MCMBP: variants seen among roughly 807,000 people sequenced by gnomAD.
MCMBP encodes the protein mini-chromosome maintenance complex-binding protein.
In MCMBP, 31 loss-of-function variants were observed where a neutral mutation model predicts 81.3. The ratio of observed to expected loss-of-function variants is 0.38; its 90% CI spans 0.29 to 0.51. The LOEUF (loss-of-function observed/expected upper bound fraction) is 0.51, where lower values mean the gene tolerates loss of function less well. Among genes scored for constraint, MCMBP ranks in the 20% least tolerant of loss-of-function variants. MCMBP has a pLI of 0.87. For synonymous variants in MCMBP, 267 were observed against 275.9 expected (o/e 0.97, Z 0.32); for missense variants, 645 against 772.1 (o/e 0.84, Z 1.95).
chr10:119,853,112 T>C lies in MCMBP; in HGVS notation c.512A>G (p.Asp171Gly). The C allele has an allele frequency of 1.2e-6, 2 of 1,614,220 alleles. No homozygotes were observed. Among genetic ancestry groups the C allele is most frequent in the Non-Finnish European group, 1.7e-6 (2 of 1,180,040 alleles). Reference protein sequence around the residue: ...PSRHKRSYEDDDDMDLQPNKQ... With the variant: ...PSRHKRSYEDGDDMDLQPNKQ... ...ATTGGGCTGTAGGTCCATATCGTCA[T>C]CATCTTCATAACTCCTCTTGTGGCG... Residue 171 changes from aspartate to glycine, a missense_variant, in exon 6 of 16, where the codon GAT becomes GGT. By Grantham distance (94) the Asp-to-Gly change is moderately conservative. Coordinates refer to ENST00000369077, the MANE Select transcript of MCMBP (RefSeq NM_001256378.2).
At position 119,831,492 on chromosome 10, in the gene MCMBP, C is replaced by G. The variant is rs1448990886; in HGVS notation, c.1905G>C (p.Val635=). The change falls in exon 16 of 16, where the codon GTG becomes GTC. Residue 635 remains valine (V), a synonymous_variant. Coordinates refer to ENST00000369077, the MANE Select transcript of MCMBP (RefSeq NM_001256378.2). ...RRTRLQQQKC[V]NGNEL ...TACATCTTTAAAGTTCATTTCCATT[C>G]ACACATTTTTGCTGCTGAAGCCTCG... 3.1e-6 allele frequency: 5 copies of G among 1,613,934 alleles called. No homozygotes were observed. Among genetic ancestry groups the G allele is most frequent in the Non-Finnish European group, 4.2e-6 (5 of 1,179,886 alleles).
At chr10:119,848,597 A>G (rs893677936) in intron 7 of MCMBP, among the ~76,000 whole-genome samples, 2 of 152,176 alleles carry the variant, frequency 1.3e-5, no homozygotes, top group African/African-American at 4.8e-5. Flanking sequence ...TGGACAAGAG[A>G]GTGAGACTGC....
At chr10:119,846,790 G>A (rs1852633280) in intron 8 of MCMBP, among the ~76,000 whole-genome samples, 1 of 152,110 alleles carries the variant, frequency 6.6e-6, no homozygotes, top group South Asian at 2.1e-4. Context: ...TCTACCACGT[G>A]AGAAGACAGC....
chr10:119,836,229 T>C (rs1391117105), intron 13 of MCMBP, among the ~76,000 whole-genome samples: 3 of 152,228 alleles, frequency 2.0e-5, no homozygotes, highest in Non-Finnish European at 4.4e-5. Context: ...CTCAATGGTA[T>C]CAGTAAGCAC....
At position 119,872,507 on chromosome 10, in the gene MCMBP, C is replaced by G; in HGVS notation, c.58+20G>C. On this transcript the variant is annotated intron_variant, in intron 1 of 15. Coordinates refer to ENST00000369077, the MANE Select transcript of MCMBP (RefSeq NM_001256378.2). ...AAACTCGGCTGCCCGCCCGGCCCGC[C>G]CCCCGGCGCCGCCACTCACCGAAGA... 1 of 1,187,120 alleles carries G rather than the reference C, an allele frequency of 8.4e-7. No homozygotes were observed. 73.5% of individuals were successfully genotyped at this position (1,187,120 alleles called of 1,614,324 possible).
At chr10:119,868,036 T>G (rs1853534051) in intron 1 of MCMBP, among the ~76,000 whole-genome samples, 1 of 152,246 alleles carries the variant, frequency 6.6e-6, no homozygotes, top group Non-Finnish European at 1.5e-5. Flanking sequence ...CCCTGCTCTT[T>G]TTTGCATGAG....
intron 8 of MCMBP, among the ~76,000 whole-genome samples, chr10:119,844,501 A>G (rs1278625862): frequency 2.0e-5 from 3 of 152,196 alleles, no homozygotes; most frequent in Non-Finnish European, 2.9e-5. Context: ...ACCAAGCCCA[A>G]GGTGACATAG....
intron 1 of MCMBP, among the ~76,000 whole-genome samples, chr10:119,872,300 C>G (rs75768224): frequency 0.055 from 8,350 of 152,072 alleles, 422 homozygotes; most frequent in South Asian, 0.27. Context: ...GGCTCCCAAG[C>G]TGCGACTCGG....
At chr10:119,831,699 C>T (rs550214774) in intron 15 of MCMBP, 99 bp from the exon 16 acceptor site, 31 of 1,358,984 alleles carry the variant, frequency 2.3e-5, no homozygotes, top group East Asian at 2.4e-5. Context: ...ACACAGAGCA[C>T]GTTAGGAGAC....
chr10:119,843,772 A>G (rs1852521744), intron 8 of MCMBP, among the ~76,000 whole-genome samples: 1 of 151,788 alleles, frequency 6.6e-6, no homozygotes, highest in African/African-American at 2.4e-5. Context: ...AGCGATTCTC[A>G]TGCCTCAGCC....
intron 5 of MCMBP, among the ~76,000 whole-genome samples, chr10:119,856,193 G>C (rs1853034546): frequency 6.6e-6 from 1 of 152,192 alleles, no homozygotes; most frequent in African/African-American, 2.4e-5. Flanking sequence ...CTGCACTTCA[G>C]ACTAGCAGCA....
chr10:119,856,978 T>C (rs911461979), intron 5 of MCMBP, among the ~76,000 whole-genome samples: 1 of 150,926 alleles, frequency 6.6e-6, no homozygotes, highest in African/African-American at 2.4e-5. Context: ...CACACGCTTG[T>C]GGTCCCAGCT....
chr10:119,835,841 T>G, intron 13 of MCMBP, 137 bp from the exon 14 acceptor site: 1 of 971,946 alleles, frequency 1.0e-6, no homozygotes, highest in African/African-American at 1.7e-5. Flanking sequence ...GGAATAATGT[T>G]TTTTTTTCTG....
intron 1 of MCMBP, among the ~76,000 whole-genome samples, chr10:119,866,983 G>A (rs1192308124): frequency 6.7e-6 from 1 of 148,408 alleles, no homozygotes; most frequent in African/African-American, 2.5e-5. Context: ...ACCTCTAAAA[G>A]CAAAAACAGT....
chr10:119,868,557 G>C (rs1289938542), intron 1 of MCMBP, among the ~76,000 whole-genome samples: 2 of 152,188 alleles, frequency 1.3e-5, no homozygotes, highest in Non-Finnish European at 2.9e-5. Flanking sequence ...CAATGTACAA[G>C]GCAAATTCTA....
intron 6 of MCMBP, among the ~76,000 whole-genome samples, chr10:119,850,523 G>C (rs1250348295): frequency 6.6e-6 from 1 of 152,134 alleles, no homozygotes; most frequent in African/African-American, 2.4e-5. Flanking sequence ...GCTGAGGCAG[G>C]TGGATCACGA....
chr10:119,859,786 G>A lies in MCMBP; in HGVS notation c.144+13C>T. ...TGTCCAACCCTCTCCCTCGAAAATA[G>A]CAATAAGCTTACCCACTTAGGAGCA... On this transcript the variant is annotated intron_variant, in intron 2 of 15. Coordinates refer to ENST00000369077, the MANE Select transcript of MCMBP (RefSeq NM_001256378.2). 1 of 1,589,794 alleles carries A rather than the reference G, an allele frequency of 6.3e-7. No homozygotes were observed. Among genetic ancestry groups the A allele is most frequent in the Non-Finnish European group, 8.6e-7 (1 of 1,160,192 alleles).
At chr10:119,859,508 C>G (rs565711667) in intron 2 of MCMBP, among the ~76,000 whole-genome samples, 110 of 152,206 alleles carry the variant, frequency 7.2e-4, no homozygotes, top group Admixed American at 2.0e-3. Context: ...TAGCACATGC[C>G]AATTCTTTTA....
At chr10:119,833,823 A>G (rs1852139917) in intron 14 of MCMBP, among the ~76,000 whole-genome samples, 1 of 152,210 alleles carries the variant, frequency 6.6e-6, no homozygotes. Context: ...TAAACATTCA[A>G]AGAAATAAAG....
Sources: gnomAD v4.1 joint callset for allele counts (sites outside exome capture counted in the v4.1 genomes callset) on GRCh38, gnomAD v4.1.1 for gene constraint, MANE v1.5 for transcripts, NCBI Gene and HGNC (gene_info 2026-07-23, HGNC 2026-07-21) for gene names.